FMN2: variants seen among roughly 807,000 people sequenced by gnomAD.
FMN2 encodes the protein formin-2.
In FMN2, 51 loss-of-function variants were observed where a neutral mutation model predicts 142.3. The ratio of observed to expected loss-of-function variants is 0.36; its 90% CI spans 0.29 to 0.45. FMN2 has a LOEUF of 0.45. FMN2 is among the 20% of genes least tolerant of loss of function. The probability of loss-of-function intolerance (pLI) is 1.00; values close to 1 mark genes in which losing one functional copy is unlikely to be tolerated. For synonymous variants in FMN2, 882 were observed against 869.8 expected, an observed-to-expected ratio of 1.01 and a Z score of -0.25; for missense variants, 1,936 against 2,122.8, an observed-to-expected ratio of 0.91 and a Z score of 1.73.
intron 16 of FMN2, among the ~76,000 whole-genome samples, chr1:240,439,450 T>C (rs1408242687): frequency 6.6e-6 from 1 of 152,150 alleles, no homozygotes; most frequent in Non-Finnish European, 1.5e-5. Flanking sequence ...TTAGATGAAT[T>C]AATTGGTTAC....
At chr1:240,366,181 C>T (rs1412129282) in intron 14 of FMN2, among the ~76,000 whole-genome samples, 2 of 152,300 alleles carry the variant, frequency 1.3e-5, no homozygotes, top group East Asian at 3.9e-4. Context: ...CATATACACC[C>T]AGCTCACAGA....
At chr1:240,392,689 G>T in intron 15 of FMN2, 127 bp downstream of exon 15, 4 of 690,420 alleles carry the variant, frequency 5.8e-6, no homozygotes, top group East Asian at 2.8e-5. Flanking sequence ...CTAATAAAAT[G>T]GTGTGCTCTA....
chr1:240,137,339 A>C (rs1189464812), intron 2 of FMN2, among the ~76,000 whole-genome samples: 1 of 152,172 alleles, frequency 6.6e-6, no homozygotes. Context: ...TAAATATTTT[A>C]CAGTGCCTGT....
chr1:240,337,203 CTTTTTTTTTTTTTT>C (rs752506621), intron 13 of FMN2, among the ~76,000 whole-genome samples: 3 of 90,564 alleles, frequency 3.3e-5, no homozygotes, highest in East Asian at 3.5e-4. Flanking sequence ...TATTCCTTTT[CTTTTTTTTTTTTTT>C]TTTTTTTTTT....
chr1:240,303,965 A>G (rs1457671258), intron 8 of FMN2, among the ~76,000 whole-genome samples: 1 of 151,762 alleles, frequency 6.6e-6, no homozygotes, highest in Admixed American at 6.6e-5. Context: ...GCATTATTTT[A>G]TGTTAGTTAT....
chr1:240,446,097 G>C (rs1366232770), intron 16 of FMN2, among the ~76,000 whole-genome samples: 2 of 152,174 alleles, frequency 1.3e-5, no homozygotes, highest in African/African-American at 4.8e-5. Flanking sequence ...AAAAAGAGCT[G>C]AGGAAAGATA....
chr1:240,159,974 T>TATATATACACAC (rs1202421069), intron 2 of FMN2, among the ~76,000 whole-genome samples: 32 of 134,074 alleles, frequency 2.4e-4, no homozygotes, highest in African/African-American at 3.7e-4. Flanking sequence ...TATATATATA[T>TATATATACACAC]ACACACACAC....
chr1:240,440,996 T>C (rs1330070473), intron 16 of FMN2, among the ~76,000 whole-genome samples: 1 of 55,874 alleles, frequency 1.8e-5, no homozygotes, highest in African/African-American at 1.9e-4. Context: ...GGTGTAAACT[T>C]TTTTTTTTTT....
Position 240,392,555 on chromosome 1 carries a change from C to T in FMN2, c.4903C>T (p.His1635Tyr). Residue 1635 changes from histidine to tyrosine, a missense_variant, in exon 15 of 18, where the codon CAT becomes TAT. Physicochemically the swap from His to Tyr is moderately conservative, Grantham distance 83. Transcript: ENST00000319653. ...AGAGGAAAATTCACTGACAGAGACT[C>T]ATAAATGGTGAGAAATTACTTTATT... ...EAEENSLTET[H>Y]KCFLETTAYF... The T allele has an allele frequency of 6.2e-7, 1 of 1,607,314 alleles. No homozygotes were observed. Among genetic ancestry groups the T allele is most frequent in the Non-Finnish European group, 8.5e-7 (1 of 1,176,814 alleles).
At chr1:240,284,003 G>A (rs1197102440) in intron 7 of FMN2, among the ~76,000 whole-genome samples, 1 of 152,068 alleles carries the variant, frequency 6.6e-6, no homozygotes, top group South Asian at 2.1e-4. Flanking sequence ...GTCTGGCCTG[G>A]AATGTGAAAG....
chr1:240,446,223 C>T (rs1389181037), intron 16 of FMN2, among the ~76,000 whole-genome samples: 1 of 152,180 alleles, frequency 6.6e-6, no homozygotes, highest in Non-Finnish European at 1.5e-5. Flanking sequence ...CTTTATCTTG[C>T]CGTGTTCCAA....
chr1:240,367,062 G>A (rs1672696581), intron 14 of FMN2, among the ~76,000 whole-genome samples: 1 of 152,098 alleles, frequency 6.6e-6, no homozygotes, highest in South Asian at 2.1e-4. Flanking sequence ...AGTTCCAATT[G>A]TGTTAAATCC....
At chr1:240,213,684 GT>G (rs1333025944) in intron 6 of FMN2, among the ~76,000 whole-genome samples, 1 of 152,224 alleles carries the variant, frequency 6.6e-6, no homozygotes, top group Non-Finnish European at 1.5e-5. Context: ...CGTGGCATAT[GT>G]TTATGGAGGT....
At chr1:240,304,935 A>C (rs926716646) in intron 8 of FMN2, among the ~76,000 whole-genome samples, 1 of 152,316 alleles carries the variant, frequency 6.6e-6, no homozygotes, top group African/African-American at 2.4e-5. Flanking sequence ...TGTAAGACCA[A>C]CAGTAGACCC....
intron 16 of FMN2, among the ~76,000 whole-genome samples, chr1:240,463,954 G>T (rs1255987942): frequency 6.6e-6 from 1 of 152,012 alleles, no homozygotes; most frequent in Non-Finnish European, 1.5e-5. Context: ...AGTGAGCTGA[G>T]ATCATGCTAC....
At chr1:240,211,463 T>A (rs756784316) in intron 6 of FMN2, among the ~76,000 whole-genome samples, 1 of 152,212 alleles carries the variant, frequency 6.6e-6, no homozygotes, top group Admixed American at 6.5e-5. Flanking sequence ...ATTTGTAACA[T>A]CATAATACAT....
intron 13 of FMN2, among the ~76,000 whole-genome samples, chr1:240,342,368 C>T (rs2103030206): frequency 6.6e-6 from 1 of 152,292 alleles, no homozygotes; most frequent in African/African-American, 2.4e-5. Flanking sequence ...TCATATACTT[C>T]AAAAACTGCT....
intron 7 of FMN2, among the ~76,000 whole-genome samples, chr1:240,281,114 C>T (rs1485204300): frequency 6.6e-6 from 1 of 152,126 alleles, no homozygotes; most frequent in East Asian, 1.9e-4. Context: ...GTGTATGAAG[C>T]CTACCGACTT....
rs1191178634 is a variant in FMN2, at chr1:240,306,373, C to T, written c.4215+11490C>T. 2.0e-5 allele frequency among the ~76,000 whole-genome samples: 3 copies of T among 152,282 alleles called. No individual in the cohort carries two copies. In the East Asian group the frequency reaches 5.8e-4, roughly 29 times the overall value. On this transcript the variant is annotated intron_variant, in intron 8 of 17. Coordinates refer to ENST00000319653, the MANE Select transcript of FMN2 (RefSeq NM_020066.5). ...GTTTGGGCTTCCGTTAATCCCATAA[C>T]CCAGAAGCTGAACATAGTATCCAAC...
Sources: allele counts gnomAD v4.1 joint callset (sites outside exome capture counted in the v4.1 genomes callset), GRCh38; gene constraint gnomAD v4.1.1; transcripts MANE v1.5; gene names NCBI Gene and HGNC (gene_info 2026-07-23, HGNC 2026-07-21).